GPC6: variants seen among roughly 807,000 people sequenced by gnomAD.
GPC6 encodes glypican-6.
In GPC6, 14 loss-of-function variants were observed where a neutral mutation model predicts 55.2. The observed-to-expected ratio is 0.25, with a 90% CI of 0.17 to 0.40. The LOEUF (loss-of-function observed/expected upper bound fraction) is 0.40, where lower values mean the gene tolerates loss of function less well. Among genes scored for constraint, GPC6 ranks in the 10% least tolerant of loss-of-function variants. GPC6 has a pLI of 1.00. For missense variants in GPC6, 641 were observed against 708.5 expected, an observed-to-expected ratio of 0.90 and a Z score of 1.08; for synonymous variants, 278 against 259.6, an observed-to-expected ratio of 1.07 and a Z score of -0.68.
intron 3 of GPC6, chr13:93,830,835 A>C (rs1245157289): frequency 8.5e-6 from 3 of 352,498 alleles, no homozygotes; most frequent in Middle Eastern, 8.7e-4. Flanking sequence ...AAAAGCAGGC[A>C]CGTTGCAACT....
At chr13:94,068,941 A>C (rs7990550) in intron 4 of GPC6, among the ~76,000 whole-genome samples, 25,051 of 152,106 alleles carry the variant, frequency 0.16, 2,291 homozygotes, top group South Asian at 0.3. Flanking sequence ...CAGTGGATCT[A>C]CCATTCTGGG....
intron 2 of GPC6, among the ~76,000 whole-genome samples, chr13:93,759,773 C>T (rs1884898073): frequency 6.6e-6 from 1 of 151,986 alleles, no homozygotes; most frequent in Non-Finnish European, 1.5e-5. Context: ...CAAACTAACC[C>T]ACCCAAACAA....
chr13:93,500,306 C>T (rs1880473183), intron 1 of GPC6, among the ~76,000 whole-genome samples: 1 of 152,028 alleles, frequency 6.6e-6, no homozygotes, highest in Non-Finnish European at 1.5e-5. Context: ...AAGCAAAACA[C>T]TTAGAATTTT....
chr13:93,639,482 C>G (rs780133351), intron 2 of GPC6, among the ~76,000 whole-genome samples: 23 of 151,956 alleles, frequency 1.5e-4, no homozygotes, highest in Non-Finnish European at 2.5e-4. Flanking sequence ...TCCGTGTTAT[C>G]TGATTTGTAT....
At chr13:93,869,882 T>C (rs972016521) in intron 3 of GPC6, among the ~76,000 whole-genome samples, 3 of 151,796 alleles carry the variant, frequency 2.0e-5, no homozygotes, top group Non-Finnish European at 4.4e-5. Context: ...CCTGGTATAC[T>C]CCACAGCTGG....
chr13:93,497,479 GT>G (rs746931734), intron 1 of GPC6, among the ~76,000 whole-genome samples: 10 of 152,300 alleles, frequency 6.6e-5, no homozygotes, highest in Non-Finnish European at 1.3e-4. Flanking sequence ...ACTTAACTGT[GT>G]TTGGGCAAAA....
At chr13:94,351,962 C>CAAAAAAAAAAAAAGAA (rs1878562775) in intron 6 of GPC6, among the ~76,000 whole-genome samples, 2 of 101,550 alleles carry the variant, frequency 2.0e-5, no homozygotes, top group East Asian at 3.1e-4. Flanking sequence ...GAGAAGAAGG[C>CAAAAAAAAAAAAAGAA]AAAAAAAAAA....
Position 93,436,236 on chromosome 13 carries a change from C to G in GPC6, c.161-109027C>G, listed in dbSNP as rs534139320. On this transcript the variant is annotated intron_variant, in intron 1 of 8. Transcript: ENST00000377047. ...GGAATACATATGGAGGAAAAAATGT[C>G]ATTGTAAATGACATTGAAATCATCT... 2.4e-4 allele frequency among the ~76,000 whole-genome samples: 36 copies of G among 152,104 alleles called. No individual in the cohort carries two copies. The South Asian group carries it at 7.5e-3, about 32-fold the overall frequency.
chr13:93,897,070 T>C (rs925850120), intron 3 of GPC6, among the ~76,000 whole-genome samples: 1 of 151,890 alleles, frequency 6.6e-6, no homozygotes, highest in Non-Finnish European at 1.5e-5. Flanking sequence ...TCAGCCAAAT[T>C]ATGTTTTTTT....
At chr13:94,035,257 C>G (rs763030469) in intron 4 of GPC6, among the ~76,000 whole-genome samples, 2 of 151,996 alleles carry the variant, frequency 1.3e-5, no homozygotes, top group Non-Finnish European at 2.9e-5. Flanking sequence ...AGGTGCCTGA[C>G]TTTTGTCATG....
chr13:93,591,439 G>A (rs1031824640), intron 2 of GPC6, among the ~76,000 whole-genome samples: 1 of 148,818 alleles, frequency 6.7e-6, no homozygotes, highest in Non-Finnish European at 1.5e-5. Context: ...ACTCCAGCCT[G>A]GGCGACAGAG....
intron 3 of GPC6, among the ~76,000 whole-genome samples, chr13:93,973,829 T>C (rs770241075): frequency 1.3e-5 from 2 of 152,182 alleles, no homozygotes; most frequent in African/African-American, 2.4e-5. Context: ...TATAGTTTTT[T>C]ACGAGGTTCT....
At chr13:93,744,365 C>G (rs1038520803) in intron 2 of GPC6, among the ~76,000 whole-genome samples, 5 of 151,978 alleles carry the variant, frequency 3.3e-5, no homozygotes, top group African/African-American at 1.2e-4. Context: ...CTAATCTATC[C>G]CCTTGAGTTT....
At chr13:93,470,610 T>C (rs1307892882) in intron 1 of GPC6, among the ~76,000 whole-genome samples, 1 of 152,134 alleles carries the variant, frequency 6.6e-6, no homozygotes, top group Non-Finnish European at 1.5e-5. Flanking sequence ...TTTTCTTTGG[T>C]ACTGTTTTTC....
chr13:93,841,144 A>G (rs77336013), intron 3 of GPC6, among the ~76,000 whole-genome samples: 6,052 of 152,186 alleles, frequency 0.04, 386 homozygotes, highest in African/African-American at 0.14. Flanking sequence ...CAGAGATTCA[A>G]TGTTACAAGG....
intron 1 of GPC6, among the ~76,000 whole-genome samples, chr13:93,282,747 A>G (rs546456167): frequency 3.8e-5 from 5 of 129,924 alleles, no homozygotes; most frequent in Admixed American, 1.6e-4. Flanking sequence ...GCTCTTTTAC[A>G]TGGTTCTTTT....
chr13:93,488,345 A>G (rs1594205843), intron 1 of GPC6, among the ~76,000 whole-genome samples: 1 of 152,162 alleles, frequency 6.6e-6, no homozygotes, highest in Non-Finnish European at 1.5e-5. Context: ...TACATGTGCC[A>G]CATTTTCTTA....
intron 2 of GPC6, among the ~76,000 whole-genome samples, chr13:93,794,786 AG>A (rs1249646263): frequency 6.6e-6 from 1 of 152,230 alleles, no homozygotes; most frequent in Non-Finnish European, 1.5e-5. Context: ...TGTTGTTTAA[AG>A]CACCAAATAT....
chr13:94,386,833 T>C (rs1157327212), intron 7 of GPC6, among the ~76,000 whole-genome samples: 1 of 152,190 alleles, frequency 6.6e-6, no homozygotes, highest in Non-Finnish European at 1.5e-5. Context: ...CCTTTTGTCC[T>C]ATCTAAGTGT....
Sources: allele counts gnomAD v4.1 joint callset (sites outside exome capture counted in the v4.1 genomes callset), GRCh38; gene constraint gnomAD v4.1.1; transcripts MANE v1.5; gene names NCBI Gene and HGNC (gene_info 2026-07-23, HGNC 2026-07-21).